Variants in PHKB observed in about 807,000 individuals in gnomAD.
PHKB encodes the protein phosphorylase kinase regulatory subunit beta, also known as phosphorylase b kinase regulatory subunit beta.
Under a neutral mutation model 152.1 loss-of-function variants are expected in PHKB, and 122 were observed. The ratio of observed to expected loss-of-function variants is 0.80; its 90% CI spans 0.69 to 0.93. The LOEUF (loss-of-function observed/expected upper bound fraction) is 0.93, where lower values mean the gene tolerates loss of function less well. Ranked by LOEUF, PHKB falls within the 40% of genes least tolerant of loss-of-function variation. The pLI is 0.00. For synonymous variants in PHKB, 436 were observed against 464.9 expected (o/e 0.94, Z 0.80); for missense variants, 1,304 against 1,328.4 (o/e 0.98, Z 0.29).
Position 47,469,509 on chromosome 16 carries a change from A to G in PHKB, c.76+8083A>G, listed in dbSNP as rs138280836. 1.3e-4 allele frequency among the ~76,000 whole-genome samples: 20 copies of G among 152,306 alleles called. 1 individual carries two copies. In the East Asian group the frequency reaches 3.7e-3, roughly 28 times the overall value. On this transcript the variant is annotated intron_variant, in intron 1 of 30. Coordinates refer to ENST00000323584, the MANE Select transcript of PHKB (RefSeq NM_000293.3). ...TGAATTAACACAAGAACAGAAAACCAAATACTACTGCATGTTCTCCTAAGT... is the reference window on the plus strand; with the variant it reads ...TGAATTAACACAAGAACAGAAAACCGAATACTACTGCATGTTCTCCTAAGT...
At chr16:47,463,110 T>C (rs1361721839) in intron 1 of PHKB, 1 of 152,688 alleles carries the variant, frequency 6.5e-6, no homozygotes, top group Non-Finnish European at 1.5e-5. Flanking sequence ...ACCTGAGTAC[T>C]GCCCCCAACA....
intron 1 of PHKB, among the ~76,000 whole-genome samples, chr16:47,484,770 G>A (rs1257246302): frequency 6.6e-6 from 1 of 152,158 alleles, no homozygotes; most frequent in Non-Finnish European, 1.5e-5. Context: ...ATGGAATAAT[G>A]TATATAAACT....
chr16:47,478,306 G>A (rs1457353589), intron 1 of PHKB, among the ~76,000 whole-genome samples: 3 of 152,092 alleles, frequency 2.0e-5, no homozygotes, highest in Non-Finnish European at 4.4e-5. Flanking sequence ...CAAGTAACAT[G>A]ACAGCTGAAA....
chr16:47,538,142 G>T (rs983757938), intron 6 of PHKB, among the ~76,000 whole-genome samples: 17 of 152,064 alleles, frequency 1.1e-4, no homozygotes, highest in African/African-American at 4.1e-4. Context: ...TTAACTGGCT[G>T]CCTCAGCCTC....
chr16:47,604,187 T>A (rs1205430410), intron 13 of PHKB, among the ~76,000 whole-genome samples: 1 of 152,190 alleles, frequency 6.6e-6, no homozygotes. Flanking sequence ...TTAATCTTGG[T>A]TTTATGGTTT....
At chr16:47,605,302 G>A (rs536345440) in intron 13 of PHKB, among the ~76,000 whole-genome samples, 1 of 152,230 alleles carries the variant, frequency 6.6e-6, no homozygotes, top group East Asian at 1.9e-4. Context: ...TGGTGTAAGT[G>A]GGAACATCAA....
intron 4 of PHKB, among the ~76,000 whole-genome samples, chr16:47,509,834 T>G (rs965882224): frequency 6.6e-6 from 1 of 150,414 alleles, no homozygotes; most frequent in Non-Finnish European, 1.5e-5. Context: ...ATATACAGTT[T>G]GTTGCAATTC....
chr16:47,566,129 G>A (rs1365219939), intron 7 of PHKB: 10 of 654,278 alleles, frequency 1.5e-5, no homozygotes, highest in Admixed American at 7.3e-5. Flanking sequence ...TGCTGCCTTG[G>A]TCATCATAGC....
At chr16:47,472,649 G>C (rs568840827) in intron 1 of PHKB, among the ~76,000 whole-genome samples, 2 of 152,278 alleles carry the variant, frequency 1.3e-5, no homozygotes, top group Non-Finnish European at 2.9e-5. Context: ...GAGGCGTGGT[G>C]GTGGGCACCT....
chr16:47,579,772 A>T (rs1210302942), intron 7 of PHKB, among the ~76,000 whole-genome samples: 1 of 152,142 alleles, frequency 6.6e-6, no homozygotes, highest in African/African-American at 2.4e-5. Context: ...AGATAAGGTG[A>T]TCAGTTGTTC....
At chr16:47,667,565 A>G (rs536562306) in intron 25 of PHKB, among the ~76,000 whole-genome samples, 1 of 152,222 alleles carries the variant, frequency 6.6e-6, no homozygotes, top group African/African-American at 2.4e-5. Flanking sequence ...AAAATACAGG[A>G]AGTAACTTAT....
At chr16:47,565,995 C>A in intron 7 of PHKB, 1 of 753,386 alleles carries the variant, frequency 1.3e-6, no homozygotes, top group Non-Finnish European at 2.2e-6. Flanking sequence ...CCGATCATCC[C>A]GTCTGTTGGA....
At chr16:47,604,567 T>C (rs1025238242) in intron 13 of PHKB, among the ~76,000 whole-genome samples, 4 of 152,226 alleles carry the variant, frequency 2.6e-5, no homozygotes, top group African/African-American at 4.8e-5. Context: ...AGCTAGGCTT[T>C]GAAGTACATA....
At chr16:47,574,694 A>G (rs1971720476) in intron 7 of PHKB, among the ~76,000 whole-genome samples, 1 of 152,162 alleles carries the variant, frequency 6.6e-6, no homozygotes, top group African/African-American at 2.4e-5. Context: ...TTCAACAACC[A>G]GTTCTCACGG....
intron 6 of PHKB, among the ~76,000 whole-genome samples, chr16:47,522,683 A>G (rs1970705204): frequency 6.6e-6 from 1 of 151,782 alleles, no homozygotes; most frequent in African/African-American, 2.4e-5. Context: ...ATTTTCAATT[A>G]TAAATTTCCC....
intron 14 of PHKB, among the ~76,000 whole-genome samples, chr16:47,627,825 C>A (rs886352363): frequency 2.6e-5 from 4 of 152,200 alleles, no homozygotes; most frequent in African/African-American, 9.7e-5. Context: ...GCCAGTGTGT[C>A]TCAGTCAGGA....
At chr16:47,539,399 A>C (rs1359625922) in intron 6 of PHKB, among the ~76,000 whole-genome samples, 1 of 152,134 alleles carries the variant, frequency 6.6e-6, no homozygotes, top group Admixed American at 6.5e-5. Context: ...AGACTTATTT[A>C]ACATTTCATA....
chr16:47,517,552 T>C (rs1216488204), intron 6 of PHKB, among the ~76,000 whole-genome samples: 1 of 152,174 alleles, frequency 6.6e-6, no homozygotes, highest in Non-Finnish European at 1.5e-5. Context: ...CCACTGCACC[T>C]GGCCTTGTTT....
intron 13 of PHKB, chr16:47,598,932 T>C (rs114467958): frequency 0.012 from 18,486 of 1,569,222 alleles, 283 homozygotes; most frequent in South Asian, 0.05. Flanking sequence ...ACAATATTCT[T>C]AGCCTCTCAT....
Sources: allele counts gnomAD v4.1 joint callset (sites outside exome capture counted in the v4.1 genomes callset), GRCh38; gene constraint gnomAD v4.1.1; transcripts MANE v1.5; gene names NCBI Gene and HGNC (gene_info 2026-07-23, HGNC 2026-07-21).